The following PLCH1 variants were observed in gnomAD, a reference collection of about 807,000 sequenced individuals.
PLCH1 encodes the protein phospholipase C eta 1.
In PLCH1, 60 loss-of-function variants were observed where a neutral mutation model predicts 126.7. The observed-to-expected ratio is 0.47, with a 90% confidence interval of 0.38 to 0.59. The LOEUF (loss-of-function observed/expected upper bound fraction) is 0.59. PLCH1 is among the 20% of genes least tolerant of loss of function. The pLI is 0.00. For synonymous variants in PLCH1, 719 were observed against 734.9 expected (o/e 0.98, Z 0.35); for missense variants, 1,723 against 2,040.0 (o/e 0.84, Z 2.99).
chr3:155,735,491 G>A (rs531560550), intron 1 of PLCH1, among the ~76,000 whole-genome samples: 172 of 152,016 alleles, frequency 1.1e-3, no homozygotes, highest in African/African-American at 3.8e-3. Context: ...AAAATTAGCC[G>A]GGCGTGGTGG....
In PLCH1 at chr3:155,614,983, C is replaced by A. The variant is rs76482103; in HGVS notation, c.80-18605G>T. Among the ~76,000 whole-genome samples, 803 of 152,116 alleles carry A rather than the reference C, an allele frequency of 5.3e-3. 10 individuals carry two copies. Among genetic ancestry groups the A allele is most frequent in the African/African-American group, 0.018 (760 of 41,488 alleles). On this transcript the variant is annotated intron_variant, in intron 2 of 22. Coordinates refer to ENST00000460012, the MANE Select transcript of PLCH1 (RefSeq NM_014996.4). Reference sequence around the variant, plus strand: ...TCTGCACAGCAGAAGAAATAATCAGCAGAGTAAATGGAAAACCCAAAAAGT... The same window carrying A: ...TCTGCACAGCAGAAGAAATAATCAGAAGAGTAAATGGAAAACCCAAAAAGT...
chr3:155,607,106 T>C (rs1734464218), intron 2 of PLCH1, among the ~76,000 whole-genome samples: 1 of 152,204 alleles, frequency 6.6e-6, no homozygotes, highest in Non-Finnish European at 1.5e-5. Context: ...TCCTCTATCT[T>C]GTTTGATCTA....
intron 1 of PLCH1, among the ~76,000 whole-genome samples, chr3:155,710,047 G>T (rs1355392001): frequency 6.6e-6 from 1 of 152,198 alleles, no homozygotes; most frequent in Non-Finnish European, 1.5e-5. Context: ...GGGTGCACTA[G>T]TGCCATCTTG....
intron 6 of PLCH1, among the ~76,000 whole-genome samples, chr3:155,581,427 A>G (rs1363998714): frequency 6.6e-6 from 1 of 152,280 alleles, no homozygotes; most frequent in Admixed American, 6.5e-5. Flanking sequence ...ATATATAAAC[A>G]AAATGTGGTA....
intron 1 of PLCH1, among the ~76,000 whole-genome samples, chr3:155,714,956 G>A (rs533038128): frequency 3.3e-5 from 5 of 152,160 alleles, no homozygotes; most frequent in Non-Finnish European, 7.4e-5. Context: ...AAAACCAGTT[G>A]AGCCTGAACT....
intron 4 of PLCH1, among the ~76,000 whole-genome samples, chr3:155,590,015 A>C (rs566380199): frequency 2.6e-5 from 4 of 152,314 alleles, no homozygotes; most frequent in Admixed American, 2.0e-4. Context: ...GTGCAGCACC[A>C]GGGTCTGATC....
At chr3:155,560,629 T>C (rs1264615799) in intron 8 of PLCH1, among the ~76,000 whole-genome samples, 1 of 152,210 alleles carries the variant, frequency 6.6e-6, no homozygotes, top group East Asian at 1.9e-4. Context: ...GTCACTTTTG[T>C]AGCAGAAAAT....
chr3:155,711,241 T>A (rs1416979868), intron 1 of PLCH1, among the ~76,000 whole-genome samples: 4 of 152,304 alleles, frequency 2.6e-5, no homozygotes, highest in Admixed American at 6.5e-5. Context: ...AAGTTAAAAA[T>A]GCTCCTAAGC....
In PLCH1 at chr3:155,592,001, A is replaced by G. The variant is rs201088515; in HGVS notation, c.470+1940T>C. On this transcript the variant is annotated intron_variant, in intron 4 of 22. Coordinates refer to ENST00000460012, the MANE Select transcript of PLCH1 (RefSeq NM_014996.4). ...GATTCCAGCCAGGAGCCATGCACCC[A>G]GCCTAAGTCTTCAGTTTTTAAGAGT... Among the ~76,000 whole-genome samples the G allele has an allele frequency of 1.5e-4, 23 of 152,176 alleles. No individual in the cohort carries two copies. The East Asian group carries it at 2.7e-3, about 18-fold the overall frequency.
intron 12 of PLCH1, among the ~76,000 whole-genome samples, chr3:155,510,178 C>T (rs1719235761): frequency 1.9e-5 from 2 of 102,734 alleles, no homozygotes; most frequent in East Asian, 2.7e-4. Context: ...GAATTGCAAC[C>T]CCTGCCTTTT....
intron 2 of PLCH1, among the ~76,000 whole-genome samples, chr3:155,681,680 C>A (rs1744549776): frequency 6.6e-6 from 1 of 152,212 alleles, no homozygotes; most frequent in East Asian, 1.9e-4. Context: ...AACCCAAAAT[C>A]ATTGCTATAA....
intron 2 of PLCH1, among the ~76,000 whole-genome samples, chr3:155,608,666 T>C (rs1428044884): frequency 6.6e-6 from 1 of 152,048 alleles, no homozygotes; most frequent in Non-Finnish European, 1.5e-5. Context: ...CATAATTCCA[T>C]CGGCCATCCC....
Position 155,539,118 on chromosome 3 carries a change from G to A in PLCH1, c.1362+10669C>T, listed in dbSNP as rs1162745135. Among the ~76,000 whole-genome samples, 3 of 152,070 alleles carry A rather than the reference G, an allele frequency of 2.0e-5. No homozygotes were observed. The South Asian group carries it at 6.2e-4, about 32-fold the overall frequency. ...GTTTCACATGTACAAGTCAATAAAT[G>A]TGATATACCACATAAACAGAATCAA... On this transcript the variant is annotated intron_variant, in intron 10 of 22. Coordinates refer to ENST00000460012, the MANE Select transcript of PLCH1 (RefSeq NM_014996.4).
chr3:155,744,368 C>T (rs951513540), intron 1 of PLCH1, among the ~76,000 whole-genome samples: 1 of 152,206 alleles, frequency 6.6e-6, no homozygotes, highest in Non-Finnish European at 1.5e-5. Context: ...GCAGGGTCAC[C>T]GGGCGCAGGA....
chr3:155,598,944 A>G (rs1460287715), intron 2 of PLCH1, among the ~76,000 whole-genome samples: 4 of 151,728 alleles, frequency 2.6e-5, no homozygotes, highest in Non-Finnish European at 5.9e-5. Context: ...TTAGAAACAG[A>G]TGAGGTCATG....
At chr3:155,537,774 A>G (rs1177296551) in intron 10 of PLCH1, among the ~76,000 whole-genome samples, 1 of 152,194 alleles carries the variant, frequency 6.6e-6, no homozygotes, top group Non-Finnish European at 1.5e-5. Flanking sequence ...CTAAGAAATA[A>G]TGTAGACAGC....
Position 155,623,483 on chromosome 3 carries a change from A to C in PLCH1, c.80-27105T>G, listed in dbSNP as rs533743214. Among the ~76,000 whole-genome samples the C allele has an allele frequency of 5.9e-5, 9 of 152,322 alleles. No homozygotes were observed. In the East Asian group the frequency reaches 1.7e-3, roughly 29 times the overall value. On this transcript the variant is annotated intron_variant, in intron 2 of 22. Transcript: ENST00000460012. ...TGAATCCAGGAGCTGGTTTTTTGAA[A>C]AGATGAACACAATAGATAGACCACT...
chr3:155,458,392 AG>A, intron 21 of PLCH1, among the ~76,000 whole-genome samples: 3 of 23,586 alleles, frequency 1.3e-4, no homozygotes, highest in Non-Finnish European at 2.2e-4. Context: ...GAAAGAAGGA[AG>A]GAAGGAAGGA....
At chr3:155,533,069 T>C (rs2108343568) in intron 10 of PLCH1, among the ~76,000 whole-genome samples, 1 of 152,326 alleles carries the variant, frequency 6.6e-6, no homozygotes, top group East Asian at 1.9e-4. Flanking sequence ...GAGGAACTTT[T>C]TGGGAACTGG....
Sources: gnomAD v4.1 joint callset for allele counts (sites outside exome capture counted in the v4.1 genomes callset) on GRCh38, gnomAD v4.1.1 for gene constraint, MANE v1.5 for transcripts, NCBI Gene and HGNC (gene_info 2026-07-23, HGNC 2026-07-21) for gene names.